ANKRD17: variants seen among roughly 807,000 people sequenced by gnomAD.
The protein encoded by ANKRD17 is ankyrin repeat domain 17, also known as ankyrin repeat domain-containing protein 17.
A neutral mutation model predicts 229.7 loss-of-function variants in ANKRD17; 19 were observed. The ratio of observed to expected loss-of-function variants is 0.08; its 90% CI spans 0.06 to 0.12. ANKRD17 has a LOEUF of 0.12. Ranked by LOEUF, ANKRD17 falls within the 10% of genes least tolerant of loss-of-function variation. The pLI is 1.00. For synonymous variants in ANKRD17, 1,112 were observed against 1,146.1 expected (o/e 0.97, Z 0.60); for missense variants, 2,176 against 3,176.8 (o/e 0.68, Z 7.57).
chr4:73,128,578 T>C (rs1418559292), intron 16 of ANKRD17, among the ~76,000 whole-genome samples: 1 of 152,186 alleles, frequency 6.6e-6, no homozygotes, highest in Non-Finnish European at 1.5e-5. Flanking sequence ...TTAAGCACCT[T>C]TTATATTCAA....
At chr4:73,080,078 C>A (rs1721405845) in intron 30 of ANKRD17, among the ~76,000 whole-genome samples, 1 of 152,104 alleles carries the variant, frequency 6.6e-6, no homozygotes, top group South Asian at 2.1e-4. Flanking sequence ...TGCACTCCAG[C>A]CTGGGTGACA....
At chr4:73,122,383 C>G (rs1303123183) in intron 18 of ANKRD17, among the ~76,000 whole-genome samples, 3 of 152,132 alleles carry the variant, frequency 2.0e-5, no homozygotes, top group Non-Finnish European at 4.4e-5. Flanking sequence ...GTCTTGGCAA[C>G]ATCTGTTATT....
intron 2 of ANKRD17, 139 bp from the exon 3 acceptor site, chr4:73,161,487 C>A (rs1401477344): frequency 3.7e-6 from 3 of 812,776 alleles, no homozygotes; most frequent in Non-Finnish European, 5.6e-6. Flanking sequence ...GGCTGCCCAG[C>A]ATCTTTTGAG....
chr4:73,092,745 A>C (rs1269837361), intron 28 of ANKRD17, among the ~76,000 whole-genome samples: 6 of 152,226 alleles, frequency 3.9e-5, no homozygotes, highest in Non-Finnish European at 8.8e-5. Context: ...AAGGAAAATA[A>C]TACAACTGAG....
intron 1 of ANKRD17, among the ~76,000 whole-genome samples, chr4:73,218,137 TAAC>T (rs1457180550): frequency 1.3e-5 from 2 of 152,086 alleles, no homozygotes; most frequent in Non-Finnish European, 2.9e-5. Context: ...TAAATACATA[TAAC>T]AAAAAGATTT....
intron 1 of ANKRD17, among the ~76,000 whole-genome samples, chr4:73,232,296 C>T (rs954384462): frequency 1.3e-5 from 2 of 152,182 alleles, no homozygotes; most frequent in African/African-American, 4.8e-5. Context: ...TCTCCTTGAT[C>T]ACATGACTTC....
At chr4:73,240,806 CTTTTTTTTTT>C (rs111961579) in intron 1 of ANKRD17, among the ~76,000 whole-genome samples, 64 of 127,036 alleles carry the variant, frequency 5.0e-4, no homozygotes, top group Non-Finnish European at 9.5e-4. Flanking sequence ...AGTACTTATT[CTTTTTTTTTT>C]TTTTTTTTTT....
intron 30 of ANKRD17, among the ~76,000 whole-genome samples, chr4:73,082,425 G>A (rs1721670021): frequency 6.6e-6 from 1 of 152,054 alleles, no homozygotes; most frequent in Non-Finnish European, 1.5e-5. Flanking sequence ...GAGTTTGATT[G>A]AGGCTGCAGT....
chr4:73,085,345 C>G lies in ANKRD17; in HGVS notation c.7063G>C (p.Gly2355Arg). Residue 2355 changes from glycine (G) to arginine (R), a missense_variant, in exon 30 of 34, where the codon GGG becomes CGG. This residue lies in a region of ANKRD17 where 87 missense variants were observed against 116.0 expected (regional missense o/e 0.75). Transcript: ENST00000358602. ...GCGGGTGCTCCTCCAAGGGGTGCCC[C>G]AGGTCCGTACATCTGACCTCCTGAA... The part of the protein sequence containing the change: ...NISGGQMYGP[G>R]APLGGAPAAA... 1 of 1,614,056 alleles carries G rather than the reference C, an allele frequency of 6.2e-7. No homozygotes were observed. Among genetic ancestry groups the G allele is most frequent in the Non-Finnish European group, 8.5e-7 (1 of 1,180,002 alleles).
At chr4:73,108,837 G>A (rs1417159432) in intron 24 of ANKRD17, among the ~76,000 whole-genome samples, 1 of 152,202 alleles carries the variant, frequency 6.6e-6, no homozygotes, top group Non-Finnish European at 1.5e-5. Flanking sequence ...GAGGGTTGAA[G>A]TCAAAAGGTT....
At chr4:73,256,962 G>T (rs986699283) in intron 1 of ANKRD17, among the ~76,000 whole-genome samples, 2 of 152,244 alleles carry the variant, frequency 1.3e-5, no homozygotes, top group Non-Finnish European at 2.9e-5. Flanking sequence ...AAATAGACAT[G>T]TGTCAAATCC....
At chr4:73,179,971 C>A (rs1402564260) in intron 1 of ANKRD17, among the ~76,000 whole-genome samples, 1 of 151,634 alleles carries the variant, frequency 6.6e-6, no homozygotes, top group Non-Finnish European at 1.5e-5. Context: ...ATGAAATTTT[C>A]TAATATCTGA....
At chr4:73,207,911 G>A (rs573963988) in intron 1 of ANKRD17, among the ~76,000 whole-genome samples, 13 of 152,198 alleles carry the variant, frequency 8.5e-5, no homozygotes, top group South Asian at 4.1e-4. Context: ...ACTTGAGGCC[G>A]GGCACAGTGG....
chr4:73,163,808 C>A (rs575074761), intron 2 of ANKRD17, among the ~76,000 whole-genome samples: 1 of 152,098 alleles, frequency 6.6e-6, no homozygotes, highest in African/African-American at 2.4e-5. Flanking sequence ...CTGTTGCCGT[C>A]CTGAATGATT....
In ANKRD17 at chr4:73,091,171, C is replaced by T. The variant is rs1265014439; in HGVS notation, c.6457G>A (p.Ala2153Thr). The change falls in exon 29 of 34, where the codon GCC (alanine) becomes ACC (threonine). Residue 2153 changes from alanine (A) to threonine (T), a missense_variant. Coordinates refer to ENST00000358602, the MANE Select transcript of ANKRD17 (RefSeq NM_032217.5). ...SSAPVAVPST[A>T]PVTYPMPQTP... is the part of the protein sequence containing the mutation. ...TGAGGCATAGGGTAAGTCACTGGGGCAGTAGAAGGCACCGCCACTGGAGCA... is the reference window on the plus strand; with the variant it reads ...TGAGGCATAGGGTAAGTCACTGGGGTAGTAGAAGGCACCGCCACTGGAGCA... 1.9e-6 allele frequency: 3 copies of T among 1,614,096 alleles called. No homozygotes were observed. Among genetic ancestry groups the T allele is most frequent in the Non-Finnish European group, 2.5e-6 (3 of 1,180,036 alleles).
intron 1 of ANKRD17, among the ~76,000 whole-genome samples, chr4:73,208,802 G>A (rs1194316217): frequency 1.2e-4 from 18 of 152,118 alleles, no homozygotes; most frequent in Non-Finnish European, 7.3e-5. Context: ...AATATTAGTA[G>A]TAGAAAAGAA....
chr4:73,257,466 T>TA (rs746468406), intron 1 of ANKRD17, among the ~76,000 whole-genome samples: 4 of 152,198 alleles, frequency 2.6e-5, no homozygotes, highest in Non-Finnish European at 5.9e-5. Context: ...AGCCTACCCT[T>TA]TGGCTGTCCC....
chr4:73,106,878 TAAAAAAAAAAA>T (rs35011113), intron 24 of ANKRD17, among the ~76,000 whole-genome samples: 14 of 49,262 alleles, frequency 2.8e-4, no homozygotes, highest in African/African-American at 1.2e-3. Flanking sequence ...ACTCCGTCTT[TAAAAAAAAAAA>T]AAAAAAAAAA....
chr4:73,257,593 T>C (rs1009960827), intron 1 of ANKRD17, among the ~76,000 whole-genome samples: 1 of 152,236 alleles, frequency 6.6e-6, no homozygotes, highest in Non-Finnish European at 1.5e-5. Context: ...CAAATGTATA[T>C]GGTCATTTGT....
Sources: allele counts gnomAD v4.1 joint callset (sites outside exome capture counted in the v4.1 genomes callset), GRCh38; gene constraint gnomAD v4.1.1; regional missense constraint gnomAD v4.1.1; transcripts MANE v1.5; gene names NCBI Gene and HGNC (gene_info 2026-07-23, HGNC 2026-07-21).